Variants in RGS12 observed in about 807,000 individuals in gnomAD.
RGS12 encodes regulator of G protein signaling 12.
In RGS12, 66 loss-of-function variants were observed where a neutral mutation model predicts 120.1. That is an observed-to-expected ratio of 0.55 (90% confidence interval 0.45 to 0.67). The LOEUF (loss-of-function observed/expected upper bound fraction) is 0.67, where lower values mean the gene tolerates loss of function less well. Among genes scored for constraint, RGS12 ranks in the 30% least tolerant of loss-of-function variants. The pLI, the probability that RGS12 is intolerant of heterozygous loss-of-function variation, is 0.00. For missense variants in RGS12, 1,859 were observed against 1,957.7 expected, an observed-to-expected ratio of 0.95 and a Z score of 0.95; for synonymous variants, 827 against 804.7, an observed-to-expected ratio of 1.03 and a Z score of -0.47.
intron 1 of RGS12, among the ~76,000 whole-genome samples, chr4:3,305,544 G>A (rs962271740): frequency 1.6e-4 from 24 of 152,324 alleles, no homozygotes; most frequent in Middle Eastern, 3.4e-3. Flanking sequence ...GAGACACGCC[G>A]TCAGCTCATC....
At chr4:3,322,238 C>G (rs1725253577) in intron 2 of RGS12, among the ~76,000 whole-genome samples, 1 of 152,192 alleles carries the variant, frequency 6.6e-6, no homozygotes, top group South Asian at 2.1e-4. Flanking sequence ...TGTGCCAGCT[C>G]ATCCTTGTCA....
chr4:3,386,345 A>G, intron 3 of RGS12, 71 bp from the exon 4 acceptor site: 2 of 1,431,196 alleles, frequency 1.4e-6, no homozygotes, highest in Non-Finnish European at 2.0e-6. Flanking sequence ...TGTTCCTCAG[A>G]TGGACTTTTC....
At chr4:3,432,860 C>T (rs1463450384) in intron 17 of RGS12, among the ~76,000 whole-genome samples, 1 of 152,194 alleles carries the variant, frequency 6.6e-6, no homozygotes, top group African/African-American at 2.4e-5. Context: ...GTGGCTTTGG[C>T]CATAGGTCGT....
intron 17 of RGS12, chr4:3,431,465 G>A (rs891361487): frequency 3.0e-5 from 30 of 988,882 alleles, no homozygotes; most frequent in African/African-American, 5.2e-5. Flanking sequence ...ACCCACCGGC[G>A]GCCCCCGTAG....
In RGS12 at chr4:3,374,471, G is replaced by A. The variant is rs536217728; in HGVS notation, c.1999-11945G>A. ...AGCAGACACTTCTGCCCTGGGCCCC[G>A]GTCTCAGTGACAGGTCCACATCTTC... is the stretch of plus-strand genomic sequence containing the variant. On this transcript the variant is annotated intron_variant, in intron 3 of 17. Transcript: ENST00000336727. The surrounding 1 kb of genome is among the most constrained non-coding windows in gnomAD (Gnocchi z 6.3). 6.6e-6 allele frequency among the ~76,000 whole-genome samples: 1 copy of A among 152,066 alleles called. No individual in the cohort carries two copies. The highest frequency in any genetic ancestry group is 2.4e-5 in the African/African-American group (1 of 41,402).
chr4:3,359,932 C>T (rs1257773059), intron 3 of RGS12, among the ~76,000 whole-genome samples: 6 of 152,038 alleles, frequency 3.9e-5, no homozygotes, highest in Admixed American at 2.0e-4. Flanking sequence ...CATACTTTTA[C>T]ATTTTTTTTG....
chr4:3,423,725 G>A (rs1398366193), intron 13 of RGS12, 84 bp downstream of exon 13: 53 of 1,508,322 alleles, frequency 3.5e-5, no homozygotes, highest in Non-Finnish European at 4.6e-5. Flanking sequence ...CACTGAAGAG[G>A]GCACACCAAG....
At chr4:3,388,369 T>C (rs1398906224) in intron 4 of RGS12, among the ~76,000 whole-genome samples, 2 of 152,266 alleles carry the variant, frequency 1.3e-5, no homozygotes, top group Non-Finnish European at 2.9e-5. Context: ...ATCTTCAGTT[T>C]CTTTGCTTAT....
chr4:3,425,781 T>C (rs1367460915), intron 14 of RGS12, among the ~76,000 whole-genome samples: 51 of 10,100 alleles, frequency 5.0e-3, no homozygotes, highest in Admixed American at 8.1e-3. Flanking sequence ...GGGGAGAGGG[T>C]GAGCGGGGCC....
chr4:3,386,205 C>T, intron 3 of RGS12: 1 of 599,036 alleles, frequency 1.7e-6, no homozygotes, highest in Non-Finnish European at 3.0e-6. Flanking sequence ...AGGATGACTT[C>T]CTCTTGTTGG....
At chr4:3,332,380 A>G (rs73193359) in intron 2 of RGS12, among the ~76,000 whole-genome samples, 4,712 of 152,308 alleles carry the variant, frequency 0.031, 101 homozygotes, top group South Asian at 0.049. Flanking sequence ...TTTATCCATG[A>G]TGTTATTGGT....
At chr4:3,286,181 G>C in the RGS12 span, among the ~76,000 whole-genome samples, 2 of 152,220 alleles carry the variant, frequency 1.3e-5, no homozygotes, top group South Asian at 2.1e-4. Flanking sequence ...GACCGAGGAG[G>C]TTCCAGGGGT....
At position 3,317,995 on chromosome 4, in the gene RGS12, A is replaced by G; in HGVS notation, c.1825A>G (p.Met609Val). ...KREWSRKAFG[M>V]QSIFGPHRNV... ...GGAGTGGTCCAGGAAGGCCTTTGGA[A>G]TGCAAAGCATTTTTGGTCCCCATCG... Residue 609 changes from methionine (M) to valine (V), a missense_variant, in exon 2 of 18, where the codon ATG becomes GTG. Around this residue, in one of 3 missense-constraint regions of RGS12, gnomAD observed 967 missense variants for 994.2 expected, o/e 0.97. Coordinates refer to ENST00000336727, the MANE Select transcript of RGS12 (RefSeq NM_001394154.1). The G allele has an allele frequency of 1.2e-6, 2 of 1,613,384 alleles. No individual in the cohort carries two copies. The highest frequency in any genetic ancestry group is 1.7e-4 in the Middle Eastern group (1 of 6,052).
intron 1 of RGS12, among the ~76,000 whole-genome samples, chr4:3,307,321 G>A (rs886694853): frequency 2.6e-5 from 4 of 152,230 alleles, no homozygotes; most frequent in Non-Finnish European, 4.4e-5. Flanking sequence ...CTGCGGCAGC[G>A]TGTGCACACG....
chr4:3,395,383 A>G (rs1223862181), intron 4 of RGS12, among the ~76,000 whole-genome samples: 3 of 152,074 alleles, frequency 2.0e-5, no homozygotes, highest in Non-Finnish European at 4.4e-5. Context: ...TCTTGATGAC[A>G]TCGTGTTGGT....
chr4:3,438,299 G>A (rs969275513), intron 17 of RGS12, among the ~76,000 whole-genome samples: 19 of 152,072 alleles, frequency 1.2e-4, no homozygotes, highest in African/African-American at 3.6e-4. Flanking sequence ...TAGGAGACAC[G>A]CTAGGTACGC....
chr4:3,296,789 G>C (rs183698591), intron 1 of RGS12, among the ~76,000 whole-genome samples: 34 of 152,348 alleles, frequency 2.2e-4, no homozygotes, highest in Admixed American at 9.8e-4. Flanking sequence ...GGGAGAGGCG[G>C]GAGCCATCCT....
intron 3 of RGS12, among the ~76,000 whole-genome samples, chr4:3,361,473 C>T (rs1578820431): frequency 6.6e-6 from 1 of 152,134 alleles, no homozygotes; most frequent in South Asian, 2.1e-4. Context: ...GCTGTGTTAG[C>T]GTCTGGGATG....
At chr4:3,321,372 C>T (rs1725176608) in intron 2 of RGS12, among the ~76,000 whole-genome samples, 1 of 152,156 alleles carries the variant, frequency 6.6e-6, no homozygotes, top group Non-Finnish European at 1.5e-5. Context: ...CGATGTGGGA[C>T]CCTCACATGC....
Sources: allele counts gnomAD v4.1 joint callset (sites outside exome capture counted in the v4.1 genomes callset), GRCh38; gene constraint gnomAD v4.1.1; regional missense constraint gnomAD v4.1.1; non-coding constraint Gnocchi (gnomAD v3.1); transcripts MANE v1.5; gene names NCBI Gene and HGNC (gene_info 2026-07-23, HGNC 2026-07-21).